MEIS2: variants seen among roughly 807,000 people sequenced by gnomAD.
MEIS2 encodes the protein Meis homeobox 2.
A neutral mutation model predicts 58.6 loss-of-function variants in MEIS2; 9 were observed. The ratio of observed to expected loss-of-function variants is 0.15; its 90% CI spans 0.09 to 0.27. MEIS2 has a LOEUF of 0.27. MEIS2 is among the 10% of genes least tolerant of loss of function. The pLI is 1.00. For missense variants in MEIS2, 427 were observed against 635.0 expected (o/e 0.67, Z 3.52); for synonymous variants, 221 against 228.4 (o/e 0.97, Z 0.29).
chr15:37,016,498 G>A (rs1295902768), intron 8 of MEIS2, among the ~76,000 whole-genome samples: 1 of 151,810 alleles, frequency 6.6e-6, no homozygotes, highest in Non-Finnish European at 1.5e-5. Context: ...ATCAACGGTA[G>A]CAACTTAAAA....
chr15:37,075,332 C>G (rs570850112), intron 7 of MEIS2, among the ~76,000 whole-genome samples: 3 of 151,912 alleles, frequency 2.0e-5, no homozygotes, highest in African/African-American at 7.2e-5. Context: ...AAATAGAAAC[C>G]TAAAATTTAA....
chr15:36,940,056 T>C (rs940900947), intron 9 of MEIS2, among the ~76,000 whole-genome samples: 4 of 152,146 alleles, frequency 2.6e-5, no homozygotes, highest in African/African-American at 9.7e-5. Flanking sequence ...ATCCTGAAAA[T>C]GTTACCCTAA....
At chr15:36,971,593 A>G (rs1055960917) in intron 8 of MEIS2, among the ~76,000 whole-genome samples, 2 of 146,666 alleles carry the variant, frequency 1.4e-5, no homozygotes, top group Non-Finnish European at 3.0e-5. Context: ...CAAGCATTCC[A>G]TTTATTCATC....
chr15:37,021,819 A>G (rs1825743477), intron 8 of MEIS2, among the ~76,000 whole-genome samples: 2 of 152,210 alleles, frequency 1.3e-5, no homozygotes, highest in Non-Finnish European at 2.9e-5. Context: ...AAGGATAATC[A>G]TTCATATGTT....
At chr15:36,972,726 T>C (rs1664900000) in intron 8 of MEIS2, 1 of 152,196 alleles carries the variant, frequency 6.6e-6, no homozygotes, top group Non-Finnish European at 1.5e-5. Context: ...CAGTTTAAGA[T>C]TCAAGTGTAT....
At chr15:36,971,126 C>A (rs931723563) in intron 8 of MEIS2, among the ~76,000 whole-genome samples, 2 of 151,574 alleles carry the variant, frequency 1.3e-5, no homozygotes, top group Non-Finnish European at 2.9e-5. Flanking sequence ...GATGTAAAGT[C>A]GATTTACCTG....
At chr15:37,037,365 A>T (rs1010704715) in intron 7 of MEIS2, among the ~76,000 whole-genome samples, 1 of 152,210 alleles carries the variant, frequency 6.6e-6, no homozygotes, top group South Asian at 2.1e-4. Flanking sequence ...GGCTGCCTGC[A>T]TAGGTGACAG....
At chr15:37,043,072 A>G (rs2062498053) in intron 7 of MEIS2, among the ~76,000 whole-genome samples, 1 of 152,180 alleles carries the variant, frequency 6.6e-6, no homozygotes, top group African/African-American at 2.4e-5. Flanking sequence ...AACACCTAAA[A>G]CTGACCTCTC....
chr15:37,026,766 A>C (rs2061721083), intron 8 of MEIS2, among the ~76,000 whole-genome samples: 1 of 152,142 alleles, frequency 6.6e-6, no homozygotes, highest in Non-Finnish European at 1.5e-5. Flanking sequence ...TTGAGTTGTA[A>C]TTTTTGTGTG....
intron 7 of MEIS2, among the ~76,000 whole-genome samples, chr15:37,039,417 T>G (rs1336603584): frequency 6.6e-6 from 1 of 152,168 alleles, no homozygotes; most frequent in Non-Finnish European, 1.5e-5. Context: ...CTCATTTAGC[T>G]TTTTTTGATA....
intron 2 of MEIS2, 109 bp downstream of exon 2, chr15:37,097,858 C>G: frequency 7.1e-7 from 1 of 1,417,332 alleles, no homozygotes; most frequent in Non-Finnish European, 9.3e-7. Context: ...CCGCCCCCCA[C>G]CATACAGAAG....
intron 7 of MEIS2, among the ~76,000 whole-genome samples, chr15:37,081,681 CT>C (rs1407300793): frequency 2.0e-5 from 3 of 151,830 alleles, no homozygotes; most frequent in Non-Finnish European, 2.9e-5. Context: ...GAAATCATAC[CT>C]TTTTTTTCTT....
At chr15:36,962,297 T>C (rs1224601009) in intron 8 of MEIS2, among the ~76,000 whole-genome samples, 3 of 152,208 alleles carry the variant, frequency 2.0e-5, no homozygotes, top group Non-Finnish European at 4.4e-5. Flanking sequence ...AGTTAACCAG[T>C]TACCCATAGA....
At chr15:36,937,010 A>G (rs1488944318) in intron 9 of MEIS2, among the ~76,000 whole-genome samples, 4 of 152,244 alleles carry the variant, frequency 2.6e-5, no homozygotes, top group Non-Finnish European at 5.9e-5. Flanking sequence ...CAATAACAAT[A>G]TGTCAACACA....
chr15:36,944,490 G>T (rs2058488939), intron 9 of MEIS2, among the ~76,000 whole-genome samples: 1 of 152,050 alleles, frequency 6.6e-6, no homozygotes, highest in African/African-American at 2.4e-5. Context: ...AAGACTTCAT[G>T]GGGCTGGTTG....
chr15:36,997,918 G>A (rs1194325394), intron 8 of MEIS2, among the ~76,000 whole-genome samples: 2 of 152,184 alleles, frequency 1.3e-5, no homozygotes, highest in Non-Finnish European at 2.9e-5. Context: ...GCTGACCGAG[G>A]TCAGGCTGAA....
chr15:36,916,288 G>A (rs532696938), intron 9 of MEIS2, among the ~76,000 whole-genome samples: 5 of 152,004 alleles, frequency 3.3e-5, no homozygotes, highest in South Asian at 2.1e-4. Flanking sequence ...TTAGCTGGGC[G>A]TGGTGGCGGG....
At chr15:37,095,776 G>T in intron 3 of MEIS2, 162 bp from the exon 4 acceptor site, 2 of 960,916 alleles carry the variant, frequency 2.1e-6, no homozygotes, top group Non-Finnish European at 3.1e-6. Flanking sequence ...AGTCCCTGAA[G>T]AAGAATCAGG....
intron 9 of MEIS2, among the ~76,000 whole-genome samples, chr15:36,937,883 G>A (rs958067904): frequency 5.3e-5 from 8 of 152,184 alleles, no homozygotes; most frequent in East Asian, 1.9e-4. Flanking sequence ...GACACAAAAA[G>A]TTTACTCATT....
Sources: allele counts gnomAD v4.1 joint callset (sites outside exome capture counted in the v4.1 genomes callset), GRCh38; gene constraint gnomAD v4.1.1; transcripts MANE v1.5; gene names NCBI Gene and HGNC (gene_info 2026-07-23, HGNC 2026-07-21).